Variants in KIAA1328 observed in about 807,000 individuals in gnomAD.
KIAA1328 encodes the protein protein hinderin.
A neutral mutation model predicts 68.1 loss-of-function variants in KIAA1328; 52 were observed. That is an observed-to-expected ratio of 0.76 (90% confidence interval 0.61 to 0.96). The LOEUF is 0.96. Among genes scored for constraint, KIAA1328 ranks in the 40% least tolerant of loss-of-function variants. The pLI, the probability that KIAA1328 is intolerant of heterozygous loss-of-function variation, is 0.00. For missense variants in KIAA1328, 641 were observed against 677.6 expected (o/e 0.95, Z 0.60); for synonymous variants, 232 against 239.4 (o/e 0.97, Z 0.28).
chr18:36,930,185 T>C (rs1227185038), intron 5 of KIAA1328, among the ~76,000 whole-genome samples: 1 of 152,172 alleles, frequency 6.6e-6, no homozygotes, highest in Non-Finnish European at 1.5e-5. Flanking sequence ...CAAGAATTAG[T>C]TGAAAATTTC....
intron 5 of KIAA1328, among the ~76,000 whole-genome samples, chr18:36,891,077 A>G (rs1011706696): frequency 6.6e-6 from 1 of 152,188 alleles, no homozygotes; most frequent in African/African-American, 2.4e-5. Context: ...AATATAATTG[A>G]GATAGCATTT....
intron 5 of KIAA1328, among the ~76,000 whole-genome samples, chr18:36,902,967 C>A (rs753741943): frequency 2.6e-5 from 4 of 151,986 alleles, no homozygotes; most frequent in Admixed American, 6.6e-5. Context: ...AAATATATAT[C>A]TGTTAATCTT....
intron 5 of KIAA1328, among the ~76,000 whole-genome samples, chr18:36,951,349 C>T (rs1240769978): frequency 1.3e-5 from 2 of 152,110 alleles, no homozygotes; most frequent in Admixed American, 1.3e-4. Flanking sequence ...TGTTACTGTA[C>T]TCATTATATT....
chr18:37,026,658 T>C (rs1568308782), intron 6 of KIAA1328, among the ~76,000 whole-genome samples: 1 of 152,076 alleles, frequency 6.6e-6, no homozygotes, highest in Non-Finnish European at 1.5e-5. Context: ...AAAAGGCCTT[T>C]GACAAAATTC....
chr18:37,081,671 C>G (rs1213317044), intron 7 of KIAA1328, among the ~76,000 whole-genome samples: 1 of 152,224 alleles, frequency 6.6e-6, no homozygotes, highest in Non-Finnish European at 1.5e-5. Flanking sequence ...AACCACTTCT[C>G]TACCCATTTG....
rs58228358 is a variant in KIAA1328, at chr18:37,022,042, A to AAATT, written c.577-44833_577-44830dup. Reference sequence around the variant, plus strand: ...GCAACAGAGTGAGACTCTGTCTCATAAATTAATTAATTAATTAAAATAAAA... The same window carrying AAATT: ...GCAACAGAGTGAGACTCTGTCTCATAAATTAATTAATTAATTAATTAAAATAAAA... On this transcript the variant is annotated intron_variant, in intron 6 of 9. Transcript: ENST00000280020. 5.9e-5 allele frequency among the ~76,000 whole-genome samples: 9 copies of AAATT among 152,056 alleles called. No individual in the cohort carries two copies. The South Asian group carries it at 6.2e-4, about 11-fold the overall frequency.
intron 9 of KIAA1328, among the ~76,000 whole-genome samples, chr18:37,203,422 A>C (rs909650397): frequency 6.6e-6 from 1 of 151,962 alleles, no homozygotes; most frequent in Admixed American, 6.6e-5. Context: ...TATAAATTAC[A>C]AAAAAAATCC....
intron 5 of KIAA1328, among the ~76,000 whole-genome samples, chr18:36,922,089 A>G (rs1028107692): frequency 6.6e-5 from 10 of 151,648 alleles, no homozygotes; most frequent in African/African-American, 1.9e-4. Context: ...AAGACAACCT[A>G]TATGTAGCTA....
chr18:37,136,592 G>A (rs1382837471), intron 7 of KIAA1328, among the ~76,000 whole-genome samples: 1 of 152,134 alleles, frequency 6.6e-6, no homozygotes, highest in Non-Finnish European at 1.5e-5. Flanking sequence ...TGTATGTTGG[G>A]CCTCTTGTCT....
chr18:36,925,061 A>G (rs2050063159), intron 5 of KIAA1328: 1 of 152,244 alleles, frequency 6.6e-6, no homozygotes, highest in Non-Finnish European at 1.5e-5. Context: ...TATTTGTTTC[A>G]TATGTAAAAT....
intron 6 of KIAA1328, among the ~76,000 whole-genome samples, chr18:37,043,000 T>C (rs1369207214): frequency 6.6e-6 from 1 of 152,164 alleles, no homozygotes; most frequent in African/African-American, 2.4e-5. Context: ...TCTTCTGCTG[T>C]TTCCCTTCTG....
At chr18:36,835,109 TA>T (rs1427770568) in intron 2 of KIAA1328, 124 bp from the exon 3 acceptor site, 5 of 635,182 alleles carry the variant, frequency 7.9e-6, no homozygotes, top group Non-Finnish European at 1.3e-5. Context: ...AAATTAAGTT[TA>T]TAAAGTAAGA....
chr18:37,064,811 C>A (rs2151726193), intron 6 of KIAA1328, among the ~76,000 whole-genome samples: 1 of 152,148 alleles, frequency 6.6e-6, no homozygotes, highest in East Asian at 1.9e-4. Context: ...GTGAGAAATA[C>A]AGGTGGCCAC....
At chr18:37,085,682 G>A (rs1008355913) in intron 7 of KIAA1328, among the ~76,000 whole-genome samples, 9 of 152,044 alleles carry the variant, frequency 5.9e-5, no homozygotes, top group Non-Finnish European at 1.2e-4. Flanking sequence ...GACTTATGTA[G>A]TCATTAAGTA....
chr18:37,026,476 A>G (rs1041684595), intron 6 of KIAA1328, among the ~76,000 whole-genome samples: 8 of 152,334 alleles, frequency 5.3e-5, no homozygotes, highest in African/African-American at 1.9e-4. Flanking sequence ...AATCCTCAAT[A>G]AAATACTGGC....
intron 4 of KIAA1328, among the ~76,000 whole-genome samples, chr18:36,857,402 GAC>G (rs2047420323): frequency 6.6e-6 from 1 of 152,164 alleles, no homozygotes; most frequent in Non-Finnish European, 1.5e-5. Context: ...TGAAGGAGCT[GAC>G]ACAAAAGCAA....
chr18:36,900,707 T>C (rs888062440), intron 5 of KIAA1328, among the ~76,000 whole-genome samples: 1 of 152,028 alleles, frequency 6.6e-6, no homozygotes, highest in African/African-American at 2.4e-5. Flanking sequence ...TAAACAGTGA[T>C]GTTTCTGTCA....
In KIAA1328 at chr18:37,034,958, T is replaced by C. The variant is rs117656823; in HGVS notation, c.577-31932T>C. Among the ~76,000 whole-genome samples, 1,108 of 152,324 alleles carry C rather than the reference T, an allele frequency of 7.3e-3. 11 individuals are homozygous for C. The highest frequency in any genetic ancestry group is 0.011 in the Non-Finnish European group (717 of 68,026). ...AATTAGAAAAGACTCCATTTGATTT[T>C]CTTTTATTAGTTACCTATAGACCAC... On this transcript the variant is annotated intron_variant, in intron 6 of 9. Coordinates refer to ENST00000280020, the MANE Select transcript of KIAA1328 (RefSeq NM_020776.3).
intron 6 of KIAA1328, among the ~76,000 whole-genome samples, chr18:37,045,211 G>C (rs1186556321): frequency 6.6e-6 from 1 of 152,060 alleles, no homozygotes; most frequent in Admixed American, 6.6e-5. Flanking sequence ...TTAATCCAAC[G>C]TGTAGCCTTC....
Sources: gnomAD v4.1 joint callset for allele counts (sites outside exome capture counted in the v4.1 genomes callset) on GRCh38, gnomAD v4.1.1 for gene constraint, MANE v1.5 for transcripts, NCBI Gene and HGNC (gene_info 2026-07-23, HGNC 2026-07-21) for gene names.